BRCA1: variants seen among roughly 807,000 people sequenced by gnomAD.
BRCA1 encodes breast cancer type 1 susceptibility protein.
BRCA1 carries 140 observed loss-of-function variants against 173.7 expected under a neutral mutation model. That is an observed-to-expected ratio of 0.81 (90% confidence interval 0.70 to 0.93). BRCA1 has a LOEUF of 0.93. Ranked by LOEUF, BRCA1 falls within the 40% of genes least tolerant of loss-of-function variation. BRCA1 has a pLI of 0.00. For missense variants in BRCA1, 1,983 were observed against 2,172.5 expected, an observed-to-expected ratio of 0.91 and a Z score of 1.73; for synonymous variants, 662 against 756.0, an observed-to-expected ratio of 0.88 and a Z score of 2.04.
intron 3 of BRCA1, among the ~76,000 whole-genome samples, chr17:43,109,170 T>A (rs2054931524): frequency 6.6e-6 from 1 of 152,092 alleles, no homozygotes; most frequent in African/African-American, 2.4e-5. Flanking sequence ...CTTTCTATCT[T>A]TATTTTTGTA....
At chr17:43,142,781 T>C (rs2154581471) in intron 1 of BRCA1, among the ~76,000 whole-genome samples, 1 of 152,264 alleles carries the variant, frequency 6.6e-6, no homozygotes, top group East Asian at 1.9e-4. Flanking sequence ...TTCAGTCTTA[T>C]TGCCCAGGCA....
chr17:43,154,647 A>G (rs2056185069), intron 1 of BRCA1, among the ~76,000 whole-genome samples: 1 of 150,908 alleles, frequency 6.6e-6, no homozygotes, highest in Admixed American at 6.7e-5. Context: ...CCTGAGAGTA[A>G]TTCATTTATT....
chr17:43,093,807 T>C lies in BRCA1; in HGVS notation c.1724A>G (p.Glu575Gly), dbSNP rs111539978. The change falls in exon 10 of 23, where the codon GAA (glutamate) becomes GGA (glycine). Residue 575 changes from glutamate (E) to glycine (G), a missense_variant. By Grantham distance (98) the Glu-to-Gly change is moderately conservative. Coordinates refer to ENST00000357654, the MANE Select transcript of BRCA1 (RefSeq NM_007294.4). Reference sequence around the variant, plus strand: ...TTTCGTTTTGAAAGCAGATTCTTTTTCGAGTGATTCTATTGGGTTAGGATT... The same window carrying C: ...TTTCGTTTTGAAAGCAGATTCTTTTCCGAGTGATTCTATTGGGTTAGGATT... Reference protein sequence around the residue: ...EKNPNPIESLEKESAFKTKAE... With the variant: ...EKNPNPIESLGKESAFKTKAE... 50 of 1,613,682 alleles carry C rather than the reference T, an allele frequency of 3.1e-5. No individual in the cohort carries two copies. The African/African-American group carries it at 3.3e-4, about 11-fold the overall frequency.
Position 43,104,134 on chromosome 17 carries a change from T to G in BRCA1, c.429A>C (p.Glu143Asp), listed in dbSNP as rs397507228. 8.1e-6 allele frequency: 13 copies of G among 1,613,726 alleles called. No homozygotes were observed. The highest frequency in any genetic ancestry group is 1.7e-6 in the Non-Finnish European group (2 of 1,179,854). ...RAKRLLQSEP[E>D]NPSLQETSLS... ...CAAATGGTTTTACCAAGGAAGGATT[T>G]TCGGGTTCACTCTGTAGAAGTCTTT... is the stretch of plus-strand genomic sequence containing the variant. The change falls in exon 6 of 23, where the codon GAA becomes GAC. Residue 143 changes from glutamate to aspartate, a missense_variant. Coordinates refer to ENST00000357654, the MANE Select transcript of BRCA1 (RefSeq NM_007294.4).
At chr17:43,046,418 G>A (rs1012325968) in intron 22 of BRCA1, among the ~76,000 whole-genome samples, 1 of 149,256 alleles carries the variant, frequency 6.7e-6, no homozygotes, top group African/African-American at 2.5e-5. Context: ...TTTTTTTTCA[G>A]ATGGAGTCTC....
chr17:43,065,629 A>G (rs1485458269), intron 16 of BRCA1, among the ~76,000 whole-genome samples: 2 of 152,194 alleles, frequency 1.3e-5, no homozygotes, highest in African/African-American at 4.8e-5. Flanking sequence ...GTGCCATTGC[A>G]CTCCAGCAGC....
At position 43,143,454 on chromosome 17, in the gene BRCA1, C is replaced by T. The variant is rs529572801; in HGVS notation, c.-19-19339G>A. ...ACAGCACGCACACAGGGCTGCTTCC[C>T]AGTCACACTGCTCCTGGGATGGGGG... is the stretch of plus-strand genomic sequence containing the variant. On this transcript the variant is annotated intron_variant, in intron 1 of 7. Transcript: ENST00000634433. Among the ~76,000 whole-genome samples the T allele has an allele frequency of 2.6e-4, 40 of 152,290 alleles. No homozygotes were observed. In the South Asian group the frequency reaches 5.8e-3, roughly 22 times the overall value.
At chr17:43,165,556 AT>A (rs1025082017) in intron 1 of BRCA1, among the ~76,000 whole-genome samples, 26 of 151,898 alleles carry the variant, frequency 1.7e-4, no homozygotes, top group Admixed American at 3.3e-4. Context: ...TTTTGCATAA[AT>A]TTTTTTATAA....
intron 17 of BRCA1, 49 bp downstream of exon 17, chr17:43,063,825 C>T (rs2153579774): frequency 6.7e-7 from 1 of 1,503,600 alleles, no homozygotes; most frequent in Non-Finnish European, 9.3e-7. Context: ...TGTAAAAATG[C>T]AATTCTGAGG....
At chr17:43,141,537 C>T (rs575276061) in intron 1 of BRCA1, among the ~76,000 whole-genome samples, 15 of 152,020 alleles carry the variant, frequency 9.9e-5, no homozygotes, top group African/African-American at 2.9e-4. Flanking sequence ...AAATTATCAC[C>T]GGGCACGGTG....
intron 15 of BRCA1, among the ~76,000 whole-genome samples, chr17:43,068,138 G>A (rs763888109): frequency 3.3e-5 from 5 of 151,632 alleles, no homozygotes; most frequent in East Asian, 1.9e-4. Context: ...TTAGCCAGGC[G>A]TGGTGGCGGG....
chr17:43,125,451 G>A, upstream of BRCA1: 1 of 357,442 alleles, frequency 2.8e-6, no homozygotes, highest in South Asian at 2.1e-5. Context: ...CTACCGCTAA[G>A]CAGCAGCCTC....
intron 9 of BRCA1, among the ~76,000 whole-genome samples, chr17:43,095,148 C>T (rs2054080199): frequency 6.6e-6 from 1 of 152,142 alleles, no homozygotes; most frequent in African/African-American, 2.4e-5. Context: ...AGCAGATTGG[C>T]CATCAGAAAA....
At chr17:43,132,609 T>C (rs945224772) in intron 1 of BRCA1, 3 of 152,072 alleles carry the variant, frequency 2.0e-5, no homozygotes, top group African/African-American at 7.3e-5. Context: ...AGACGAAGTC[T>C]CGCTCTGTCA....
chr17:43,107,851 C>A (rs900799759), intron 3 of BRCA1, among the ~76,000 whole-genome samples: 1 of 152,094 alleles, frequency 6.6e-6, no homozygotes, highest in African/African-American at 2.4e-5. Context: ...TTAAAAGCAG[C>A]GATTCACTCA....
At chr17:43,085,638 A>G (rs1171690056) in intron 11 of BRCA1, among the ~76,000 whole-genome samples, 1 of 152,122 alleles carries the variant, frequency 6.6e-6, no homozygotes, top group Non-Finnish European at 1.5e-5. Context: ...CCACTTGGAA[A>G]AATTCTCATC....
In BRCA1 at chr17:43,106,449, T is replaced by C. The variant is rs762526216; in HGVS notation, c.212+7A>G. On this transcript the variant is annotated splice_region_variant and intron_variant, in intron 4 of 22. Transcript: ENST00000357654. ...TTCCAACCTAGCATCATTACCAAAT[T>C]ATATACCTTTTGGTTATATCATTCT... 6.4e-7 allele frequency: 1 copy of C among 1,562,554 alleles called. No homozygotes were observed. Among genetic ancestry groups the C allele is most frequent in the South Asian group, 1.1e-5 (1 of 88,454 alleles).
intron 6 of BRCA1, among the ~76,000 whole-genome samples, chr17:43,101,954 T>C (rs1052631649): frequency 6.6e-6 from 1 of 151,876 alleles, no homozygotes; most frequent in Non-Finnish European, 1.5e-5. Context: ...TGCGCTGGAG[T>C]CCAGTGGCAC....
At chr17:43,110,115 C>G (rs905739418) in intron 3 of BRCA1, among the ~76,000 whole-genome samples, 1 of 151,898 alleles carries the variant, frequency 6.6e-6, no homozygotes, top group African/African-American at 2.4e-5. Context: ...AGGATGGTCT[C>G]GATCTCCTGA....
Sources: gnomAD v4.1 joint callset for allele counts (sites outside exome capture counted in the v4.1 genomes callset) on GRCh38, gnomAD v4.1.1 for gene constraint, MANE v1.5 for transcripts, NCBI Gene and HGNC (gene_info 2026-07-23, HGNC 2026-07-21) for gene names.